Variants in NCOA3 observed in about 807,000 individuals in gnomAD.
NCOA3 encodes CBP-interacting protein.
NCOA3 carries 51 observed loss-of-function variants against 158.8 expected under a neutral mutation model. That is an observed-to-expected ratio of 0.32 (90% CI 0.26 to 0.41). The LOEUF (loss-of-function observed/expected upper bound fraction) is 0.41. NCOA3 is among the 10% of genes least tolerant of loss of function. The pLI is 1.00. For synonymous variants in NCOA3, 537 were observed against 592.4 expected, an observed-to-expected ratio of 0.91 and a Z score of 1.36; for missense variants, 1,510 against 1,746.6, an observed-to-expected ratio of 0.86 and a Z score of 2.41.
chr20:47,633,911 TTGA>T (rs780153811), intron 9 of NCOA3, 134 bp from the exon 10 acceptor site: 12 of 1,147,328 alleles, frequency 1.0e-5, no homozygotes, highest in African/African-American at 3.1e-5. Context: ...TTTTACCCTG[TTGA>T]TGATTTTGGT....
rs144353807 is a variant in NCOA3 at position 47,596,215 on chromosome 20, A to G, written c.-20+12954A>G. Among the ~76,000 whole-genome samples the G allele has an allele frequency of 4.4e-3, 666 of 152,300 alleles. 6 individuals are homozygous for G. The highest frequency in any genetic ancestry group is 0.014 in the African/African-American group (565 of 41,556). ...ATTAACTTCATTTAAAAAACTTTGA[A>G]AAAGTCTCATTTGGATGTGTCCTTG... On this transcript the variant is annotated intron_variant, in intron 2 of 22. Transcript: ENST00000371998.
chr20:47,632,555 G>A (rs541897939), intron 8 of NCOA3, among the ~76,000 whole-genome samples: 2 of 151,572 alleles, frequency 1.3e-5, no homozygotes. Flanking sequence ...GCCCAGCTAA[G>A]TTTTGTATTC....
intron 1 of NCOA3, among the ~76,000 whole-genome samples, chr20:47,540,399 C>T (rs1053693137): frequency 6.6e-6 from 1 of 151,868 alleles, no homozygotes; most frequent in Non-Finnish European, 1.5e-5. Flanking sequence ...CATAGTGAAA[C>T]CCCCCTCTAC....
chr20:47,650,897 C>G, intron 19 of NCOA3, 85 bp from the exon 20 acceptor site: 2 of 1,280,208 alleles, frequency 1.6e-6, no homozygotes, highest in Admixed American at 1.9e-5. Context: ...CTGTCTTATA[C>G]CTGGTGTATT....
chr20:47,585,424 A>G (rs924880075), intron 2 of NCOA3, among the ~76,000 whole-genome samples: 2 of 152,140 alleles, frequency 1.3e-5, no homozygotes, highest in Non-Finnish European at 2.9e-5. Flanking sequence ...GAAAACAATC[A>G]TGCTTTGCTT....
rs111977746 is a variant in NCOA3 at position 47,572,427 on chromosome 20, A to G, written c.-98-10756A>G. On this transcript the variant is annotated intron_variant, in intron 1 of 22. Transcript: ENST00000371998. The stretch of plus-strand genomic sequence containing the variant: ...ATCTAGTAAAAGAAAAAAAAACAGT[A>G]CTTGTCTCTTCGCATTCACAACTTG... Among the ~76,000 whole-genome samples the G allele has an allele frequency of 7.2e-3, 1,098 of 152,140 alleles. 22 individuals are homozygous for G. Among genetic ancestry groups the G allele is most frequent in the African/African-American group, 0.025 (1,041 of 41,504 alleles).
Position 47,636,284 on chromosome 20 carries a change from G to C in NCOA3, c.1898G>C (p.Gly633Ala). The C allele has an allele frequency of 1.2e-6, 2 of 1,614,096 alleles. No homozygotes were observed. Among genetic ancestry groups the C allele is most frequent in the Non-Finnish European group, 1.7e-6 (2 of 1,180,014 alleles). Residue 633 changes from glycine (G) to alanine (A), a missense_variant, in exon 12 of 23, where the codon GGT becomes GCT. Physicochemically the swap from Gly to Ala is moderately conservative, Grantham distance 60. Transcript: ENST00000371998. The stretch of plus-strand genomic sequence containing the variant: ...CTTACCTGTTCTTCTGATGACCGGG[G>C]TCATTCCTCCTTGACCAACTCCCCC... The part of the protein sequence containing the change: ...QLLTCSSDDR[G>A]HSSLTNSPLD...
At chr20:47,544,316 CTTTTTTTTTTT>C (rs397866275) in intron 1 of NCOA3, among the ~76,000 whole-genome samples, 7 of 99,720 alleles carry the variant, frequency 7.0e-5, no homozygotes, top group Admixed American at 1.2e-4. Flanking sequence ...TTTAATACTA[CTTTTTTTTTTT>C]TTTTTTTTTT....
chr20:47,576,626 A>T (rs931531221), intron 1 of NCOA3, among the ~76,000 whole-genome samples: 1 of 152,212 alleles, frequency 6.6e-6, no homozygotes, highest in Non-Finnish European at 1.5e-5. Context: ...TAAAAAAAAT[A>T]AAAAGAAGGG....
chr20:47,519,446 A>G (rs139441988), intron 1 of NCOA3, among the ~76,000 whole-genome samples: 392 of 151,896 alleles, frequency 2.6e-3, no homozygotes, highest in Non-Finnish European at 4.4e-3. Flanking sequence ...AAAAAAAATG[A>G]TATTTTTAGT....
chr20:47,646,863 G>A (rs1307171090), intron 17 of NCOA3, among the ~76,000 whole-genome samples: 1 of 152,180 alleles, frequency 6.6e-6, no homozygotes, highest in Admixed American at 6.5e-5. Flanking sequence ...CTCTTCTTCA[G>A]AATATCAACT....
In NCOA3 at chr20:47,627,580, A is replaced by G. The variant is rs781170862; in HGVS notation, c.552A>G (p.Thr184=). 1.1e-5 allele frequency: 17 copies of G among 1,611,430 alleles called. No individual in the cohort carries two copies. The highest frequency in any genetic ancestry group is 1.4e-5 in the Non-Finnish European group (16 of 1,179,204). Residue 184 remains threonine, a synonymous_variant, in exon 7 of 23, where the codon ACA becomes ACG. Transcript: ENST00000371998. ...CCAAAGTTAATGGAGTTTCCTGGAC[A>G]AATGAGACCCAAAGACAAAAAAGCC... ...PKSTVNGVSW[T]NETQRQKSHT...
At chr20:47,586,878 G>T (rs532269921) in intron 2 of NCOA3, among the ~76,000 whole-genome samples, 1 of 152,204 alleles carries the variant, frequency 6.6e-6, no homozygotes, top group African/African-American at 2.4e-5. Flanking sequence ...GTCATATGAC[G>T]TCCGTCTGTC....
At chr20:47,595,159 C>T (rs1021008032) in intron 2 of NCOA3, among the ~76,000 whole-genome samples, 7 of 149,420 alleles carry the variant, frequency 4.7e-5, no homozygotes, top group East Asian at 4.0e-4. Flanking sequence ...AGTGCAGCGG[C>T]GCCATCTCGG....
intron 1 of NCOA3, among the ~76,000 whole-genome samples, chr20:47,516,654 C>T (rs2084238674): frequency 1.3e-5 from 2 of 152,092 alleles, no homozygotes; most frequent in Non-Finnish European, 1.5e-5. Context: ...GGTGCAGTGG[C>T]TCAAGCCTGT....
chr20:47,633,659 G>T lies in NCOA3; in HGVS notation c.964+23G>T, dbSNP rs1394333080. The T allele has an allele frequency of 3.7e-6, 6 of 1,602,184 alleles. No homozygotes were observed. In the African/African-American group the frequency reaches 6.8e-5, roughly 18 times the overall value. On this transcript the variant is annotated intron_variant, in intron 9 of 22. Transcript: ENST00000371998. ...AAGGTAAAGAATTTTGGGGTTGATT[G>T]TTCTTATCATTTTATTCTTTAGAGA... is the stretch of plus-strand genomic sequence containing the variant.
chr20:47,553,582 T>C (rs1462606684), intron 1 of NCOA3, among the ~76,000 whole-genome samples: 2 of 123,282 alleles, frequency 1.6e-5, no homozygotes, highest in East Asian at 5.8e-4. Context: ...CGGTGTGTGA[T>C]GTTCCCCTTC....
intron 1 of NCOA3, among the ~76,000 whole-genome samples, chr20:47,546,617 C>T (rs765798996): frequency 1.3e-5 from 2 of 151,638 alleles, no homozygotes; most frequent in African/African-American, 2.4e-5. Flanking sequence ...CTGCAACCTC[C>T]GCCTCCCGCA....
chr20:47,628,796 G>C (rs1363840624), intron 8 of NCOA3: 1 of 152,090 alleles, frequency 6.6e-6, no homozygotes, highest in Non-Finnish European at 1.5e-5. Flanking sequence ...AGACATCGTG[G>C]TTGATAAGAT....
Sources: allele counts gnomAD v4.1 joint callset (sites outside exome capture counted in the v4.1 genomes callset), GRCh38; gene constraint gnomAD v4.1.1; transcripts MANE v1.5; gene names NCBI Gene and HGNC (gene_info 2026-07-23, HGNC 2026-07-21).